The following FMN1 variants were observed in gnomAD, a reference collection of about 807,000 sequenced individuals.
FMN1 encodes the protein formin-1.
A neutral mutation model predicts 132.4 loss-of-function variants in FMN1; 110 were observed. That is an observed-to-expected ratio of 0.83 (90% CI 0.71 to 0.97). FMN1 has a LOEUF of 0.97. Ranked by LOEUF, FMN1 falls within the 50% of genes least tolerant of loss-of-function variation. FMN1 has a pLI of 0.00. For missense variants in FMN1, 1,792 were observed against 1,705.3 expected, an observed-to-expected ratio of 1.05 and a Z score of -0.90; for synonymous variants, 722 against 651.7, an observed-to-expected ratio of 1.11 and a Z score of -1.64.
intron 4 of FMN1, among the ~76,000 whole-genome samples, chr15:33,101,289 T>C (rs1326888433): frequency 6.6e-6 from 1 of 151,960 alleles, no homozygotes; most frequent in Non-Finnish European, 1.5e-5. Flanking sequence ...TGGAGGAGGT[T>C]GGCGATTTGG....
intron 6 of FMN1, among the ~76,000 whole-genome samples, chr15:33,061,165 T>A (rs928004339): frequency 1.3e-5 from 2 of 152,112 alleles, no homozygotes; most frequent in Non-Finnish European, 2.9e-5. Context: ...TAAAGGAATC[T>A]AAAAATATGA....
intron 16 of FMN1, among the ~76,000 whole-genome samples, chr15:32,876,731 G>C (rs764835516): frequency 3.3e-5 from 5 of 152,170 alleles, no homozygotes; most frequent in Non-Finnish European, 5.9e-5. Flanking sequence ...AGTCTTTACT[G>C]AACTTTAAAA....
intron 7 of FMN1, among the ~76,000 whole-genome samples, chr15:32,977,167 A>C (rs996956360): frequency 2.6e-5 from 4 of 152,214 alleles, no homozygotes; most frequent in Admixed American, 6.5e-5. Context: ...GCATATAATT[A>C]TAACAACAAT....
rs775638986 is a variant in FMN1 at position 33,066,789 on chromosome 15, G to C, written c.2044-1715C>G. On this transcript the variant is annotated intron_variant, in intron 5 of 20. Coordinates refer to ENST00000616417, the MANE Select transcript of FMN1 (RefSeq NM_001277313.2). Reference sequence around the variant, plus strand: ...TTGCAGCCCATCTCTTCTCTCCTGGGCGACTCAGGGTCTGCTCCCTTCGGT... The same window carrying C: ...TTGCAGCCCATCTCTTCTCTCCTGGCCGACTCAGGGTCTGCTCCCTTCGGT... The C allele has an allele frequency of 1.9e-6, 3 of 1,613,934 alleles. No individual in the cohort carries two copies. In the Admixed American group the frequency reaches 5.0e-5, roughly 27 times the overall value.
rs955073482 is a variant in FMN1 at position 32,774,091 on chromosome 15, C to T, written c.*219G>A. ...AAGAAACAGTCATCAAATATTTCTG[C>T]AATGTTCCCTTAAATAGTTTTCCAT... On this transcript the variant is annotated 3_prime_UTR_variant, in exon 21 of 21. Transcript: ENST00000616417. The T allele has an allele frequency of 9.2e-6, 5 of 542,418 alleles. No individual in the cohort carries two copies. In the Admixed American group the frequency reaches 1.6e-4, roughly 18 times the overall value. The allele number at this position is 542,418 out of a possible 1,614,324, so 33.6% of individuals were successfully genotyped here.
At chr15:33,156,300 A>G (rs1167722702) in intron 3 of FMN1, among the ~76,000 whole-genome samples, 2 of 75,396 alleles carry the variant, frequency 2.7e-5, no homozygotes, top group Admixed American at 1.7e-4. Context: ...TTTTTTTTTT[A>G]GATGGGTTCT....
At chr15:32,971,418 G>C (rs2031781297) in intron 7 of FMN1, among the ~76,000 whole-genome samples, 2 of 152,204 alleles carry the variant, frequency 1.3e-5, no homozygotes, top group Admixed American at 6.5e-5. Flanking sequence ...CCTTTTGTGA[G>C]TTCTACTACC....
chr15:33,070,513 G>A (rs1038357620), intron 5 of FMN1, among the ~76,000 whole-genome samples: 1 of 151,870 alleles, frequency 6.6e-6, no homozygotes, highest in Admixed American at 6.6e-5. Flanking sequence ...GCTGGAAGGG[G>A]CTACTGGCCC....
At chr15:32,868,745 A>AT (rs964897627) in intron 16 of FMN1, among the ~76,000 whole-genome samples, 15 of 150,784 alleles carry the variant, frequency 9.9e-5, no homozygotes, top group Non-Finnish European at 1.8e-4. Flanking sequence ...CGAGATACAC[A>AT]TTTTTTTTTA....
intron 7 of FMN1, among the ~76,000 whole-genome samples, chr15:32,986,104 G>A (rs1316219638): frequency 1.3e-5 from 2 of 152,040 alleles, no homozygotes; most frequent in African/African-American, 4.8e-5. Flanking sequence ...TATTCTTTGT[G>A]GTGGCAAGGC....
At chr15:32,950,034 CACAT>C (rs1479284877) in intron 9 of FMN1, among the ~76,000 whole-genome samples, 3 of 4,538 alleles carry the variant, frequency 6.6e-4, no homozygotes, top group African/African-American at 1.7e-3. Flanking sequence ...TATATATATA[CACAT>C]ATATATATAT....
chr15:32,991,248 C>T (rs1050318355), intron 7 of FMN1, among the ~76,000 whole-genome samples: 4 of 152,136 alleles, frequency 2.6e-5, no homozygotes, highest in Non-Finnish European at 5.9e-5. Context: ...TCCCTGATTT[C>T]GCTGTCTTCT....
intron 15 of FMN1, among the ~76,000 whole-genome samples, chr15:32,895,521 T>C (rs573725298): frequency 2.6e-5 from 4 of 152,282 alleles, no homozygotes; most frequent in African/African-American, 9.6e-5. Context: ...TTATAGGATG[T>C]ATAATTTGGT....
At chr15:32,883,894 G>C (rs902991761) in intron 16 of FMN1, among the ~76,000 whole-genome samples, 1 of 152,160 alleles carries the variant, frequency 6.6e-6, no homozygotes, top group African/African-American at 2.4e-5. Flanking sequence ...CCTAGGATAT[G>C]ATTTTCGTAC....
At chr15:32,822,454 G>A (rs1011377596) in intron 17 of FMN1, among the ~76,000 whole-genome samples, 7 of 152,104 alleles carry the variant, frequency 4.6e-5, no homozygotes, top group African/African-American at 1.7e-4. Context: ...TGACAGTTTG[G>A]TTAAATTTAG....
At chr15:33,129,140 T>C (rs1963424405) in intron 4 of FMN1, among the ~76,000 whole-genome samples, 1 of 152,190 alleles carries the variant, frequency 6.6e-6, no homozygotes, top group Non-Finnish European at 1.5e-5. Flanking sequence ...TGGCTTCACC[T>C]CTCAATATTT....
chr15:33,104,128 A>G (rs1314362455), intron 4 of FMN1, among the ~76,000 whole-genome samples: 1 of 152,202 alleles, frequency 6.6e-6, no homozygotes, highest in Non-Finnish European at 1.5e-5. Flanking sequence ...AGTCAAGTGC[A>G]TGATAAACAT....
chr15:33,044,974 C>G (rs926080847), intron 6 of FMN1, among the ~76,000 whole-genome samples: 6 of 152,234 alleles, frequency 3.9e-5, no homozygotes, highest in Admixed American at 3.3e-4. Context: ...AAACATGCCC[C>G]TTGCTTGCCA....
At chr15:33,118,532 C>G (rs551478318) in intron 4 of FMN1, among the ~76,000 whole-genome samples, 1 of 152,210 alleles carries the variant, frequency 6.6e-6, no homozygotes, top group Non-Finnish European at 1.5e-5. Flanking sequence ...GGTAATTTTT[C>G]TAATTTCAGT....
Sources: gnomAD v4.1 joint callset for allele counts (sites outside exome capture counted in the v4.1 genomes callset) on GRCh38, gnomAD v4.1.1 for gene constraint, MANE v1.5 for transcripts, NCBI Gene and HGNC (gene_info 2026-07-23, HGNC 2026-07-21) for gene names.